The following ZNRF1 variants were observed in gnomAD, a reference collection of about 807,000 sequenced individuals.
The protein encoded by ZNRF1 is E3 ubiquitin-protein ligase ZNRF1.
In ZNRF1, 3 loss-of-function variants were observed where a neutral mutation model predicts 18.4. The ratio of observed to expected loss-of-function variants is 0.16; its 90% CI spans 0.07 to 0.42. ZNRF1 has a LOEUF of 0.42. Ranked by LOEUF, ZNRF1 falls within the 10% of genes least tolerant of loss-of-function variation. The pLI, the probability that ZNRF1 is intolerant of heterozygous loss-of-function variation, is 0.99. For synonymous variants in ZNRF1, 157 were observed against 144.2 expected, an observed-to-expected ratio of 1.09 and a Z score of -0.64; for missense variants, 310 against 329.8, an observed-to-expected ratio of 0.94 and a Z score of 0.47.
chr16:75,071,598 G>T (rs1306617581), intron 1 of ZNRF1, among the ~76,000 whole-genome samples: 1 of 152,142 alleles, frequency 6.6e-6, no homozygotes, highest in Middle Eastern at 3.2e-3. Flanking sequence ...ATAGCATTTT[G>T]GCCGTACTCT....
intron 1 of ZNRF1, among the ~76,000 whole-genome samples, chr16:75,074,807 C>T (rs1018543058): frequency 6.6e-6 from 1 of 152,092 alleles, no homozygotes; most frequent in Admixed American, 6.5e-5. Context: ...GTGGCTCATG[C>T]CTATAATCCC....
Position 74,999,724 on chromosome 16 carries a change from T to G in ZNRF1, c.53T>G (p.Val18Gly), listed in dbSNP as rs1597847597. 3 of 1,365,516 alleles carry G rather than the reference T, an allele frequency of 2.2e-6. No individual in the cohort carries two copies. The highest frequency in any genetic ancestry group is 1.7e-5 in the South Asian group (1 of 58,246). The allele number at this position is 1,365,516 out of a possible 1,614,324, so 84.6% of individuals were successfully genotyped here. A position where few individuals can be genotyped will look rare whatever the true frequency, so the allele number is the denominator to read the frequency against. ...CGCTCCCGGGGCCCCTTCCCGGGGG[T>G]CTCCACCGATGACAGCGCCGTGCCG... is the stretch of plus-strand genomic sequence containing the variant. ...AARSRGPFPGVSTDDSAVPPP... is the reference protein window; with the variant it reads ...AARSRGPFPGGSTDDSAVPPP... Residue 18 changes from valine to glycine, a missense_variant, in exon 1 of 5, where the codon GTC becomes GGC. Transcript: ENST00000335325.
chr16:75,019,227 T>G (rs2035111902), intron 1 of ZNRF1, among the ~76,000 whole-genome samples: 2 of 152,002 alleles, frequency 1.3e-5, no homozygotes, highest in South Asian at 4.1e-4. Context: ...GTTTTTTTTT[T>G]GTAGAGACTA....
intron 1 of ZNRF1, among the ~76,000 whole-genome samples, chr16:75,019,505 C>G (rs187552208): frequency 6.6e-6 from 1 of 151,896 alleles, no homozygotes. Context: ...TTTATTTATA[C>G]TTAATTTGTG....
chr16:75,047,024 T>C (rs541790186), intron 1 of ZNRF1: 30 of 152,208 alleles, frequency 2.0e-4, no homozygotes, highest in Admixed American at 9.2e-4. Context: ...CAATTTTGTG[T>C]GTATGTTAAA....
In ZNRF1 at chr16:75,038,773, A is replaced by C. The variant is rs560284222; in HGVS notation, c.424+38678A>C. 1.4e-4 allele frequency among the ~76,000 whole-genome samples: 22 copies of C among 152,280 alleles called. No homozygotes were observed. The East Asian group carries it at 4.1e-3, about 28-fold the overall frequency. On this transcript the variant is annotated intron_variant, in intron 1 of 4. Coordinates refer to ENST00000335325, the MANE Select transcript of ZNRF1 (RefSeq NM_032268.5). ...TCTGGCTCTTTCTGTTTCATACAAC[A>C]TGGCATTCCAGTGTGCAAGATGATG...
intron 1 of ZNRF1, among the ~76,000 whole-genome samples, chr16:75,051,514 C>T (rs1403238984): frequency 6.7e-6 from 1 of 149,590 alleles, no homozygotes; most frequent in East Asian, 2.0e-4. Context: ...CAGCCTGCAT[C>T]TTCCCCTTTT....
Position 74,999,966 on chromosome 16 carries a change from C to G in ZNRF1, c.295C>G (p.His99Asp). The change falls in exon 1 of 5, where the codon CAT (histidine) becomes GAT (aspartate). Residue 99 changes from histidine (H) to aspartate (D), a missense_variant. By Grantham distance (81) the His-to-Asp change is moderately conservative (BLOSUM62 -1). Transcript: ENST00000335325. Reference sequence around the variant, plus strand: ...GTCTGCGTCCGACTCCACCTATGCCCATGGCAATGGTTACCAGGAGACGGG... The same window carrying G: ...GTCTGCGTCCGACTCCACCTATGCCGATGGCAATGGTTACCAGGAGACGGG... ...GGSASDSTYA[H>D]GNGYQETGGG... The G allele has an allele frequency of 1.3e-6, 2 of 1,582,120 alleles. No individual in the cohort carries two copies. Among genetic ancestry groups the G allele is most frequent in the Non-Finnish European group, 1.7e-6 (2 of 1,164,976 alleles).
intron 1 of ZNRF1, among the ~76,000 whole-genome samples, chr16:75,003,017 G>A (rs543868763): frequency 4.9e-4 from 74 of 152,238 alleles, no homozygotes; most frequent in Middle Eastern, 3.4e-3. Flanking sequence ...GCAGTGGTGC[G>A]ACCTCTGCTC....
At chr16:75,020,784 C>T (rs970924279) in intron 1 of ZNRF1, among the ~76,000 whole-genome samples, 5 of 152,118 alleles carry the variant, frequency 3.3e-5, no homozygotes, top group South Asian at 2.1e-4. Context: ...CCTCATGATC[C>T]GCTGCCCTCG....
intron 2 of ZNRF1, among the ~76,000 whole-genome samples, chr16:75,096,211 C>T (rs1386316041): frequency 6.6e-6 from 1 of 152,074 alleles, no homozygotes; most frequent in East Asian, 1.9e-4. Context: ...TTTGTCTCAA[C>T]GTGGTGAAGT....
At chr16:75,038,937 A>G (rs901411443) in intron 1 of ZNRF1, among the ~76,000 whole-genome samples, 2 of 152,204 alleles carry the variant, frequency 1.3e-5, no homozygotes, top group South Asian at 2.1e-4. Context: ...GTTGAGTACT[A>G]TTGTTTTATA....
chr16:75,062,174 G>A (rs2035751932), intron 1 of ZNRF1, among the ~76,000 whole-genome samples: 1 of 152,228 alleles, frequency 6.6e-6, no homozygotes, highest in East Asian at 1.9e-4. Flanking sequence ...TGACAGAGCT[G>A]TTCCAGCTCA....
rs2145411653 is a variant in ZNRF1, at chr16:75,081,783, C to A, written c.425-11789C>A. ...TAGTGTCTAAGAACTAGAAGAAATTCTTGGGCTACTGCACCAAGAGGAAGA... is the reference window on the plus strand; with the variant it reads ...TAGTGTCTAAGAACTAGAAGAAATTATTGGGCTACTGCACCAAGAGGAAGA... On this transcript the variant is annotated intron_variant, in intron 1 of 4. Transcript: ENST00000335325. 1.3e-5 allele frequency among the ~76,000 whole-genome samples: 2 copies of A among 152,310 alleles called. 1 individual carries two copies. The highest frequency in any genetic ancestry group is 4.1e-4 in the South Asian group (2 of 4,824).
intron 1 of ZNRF1, among the ~76,000 whole-genome samples, chr16:75,029,963 C>G (rs2035278922): frequency 6.7e-6 from 1 of 148,442 alleles, no homozygotes; most frequent in Non-Finnish European, 1.5e-5. Context: ...CTCAAGAGGC[C>G]AAGGAGGGAA....
intron 1 of ZNRF1, among the ~76,000 whole-genome samples, chr16:75,007,183 G>C (rs1341288297): frequency 6.6e-6 from 1 of 150,756 alleles, no homozygotes; most frequent in African/African-American, 2.4e-5. Flanking sequence ...TCAGCCTCCT[G>C]AGTAGCTGGG....
intron 1 of ZNRF1, among the ~76,000 whole-genome samples, chr16:75,080,251 C>T (rs2035993476): frequency 6.6e-6 from 1 of 152,176 alleles, no homozygotes; most frequent in Non-Finnish European, 1.5e-5. Context: ...TACAGCAGCA[C>T]ACATTCTGCA....
intron 1 of ZNRF1, among the ~76,000 whole-genome samples, chr16:75,073,494 A>G (rs1373714405): frequency 6.6e-6 from 1 of 152,034 alleles, no homozygotes; most frequent in African/African-American, 2.4e-5. Flanking sequence ...AACCATGTCA[A>G]TATGTTTGGT....
intron 1 of ZNRF1, among the ~76,000 whole-genome samples, chr16:75,034,187 A>G (rs2035347280): frequency 6.6e-6 from 1 of 152,148 alleles, no homozygotes; most frequent in Admixed American, 6.5e-5. Flanking sequence ...ACCCTCAGTT[A>G]TTTAAAAATG....
Sources: gnomAD v4.1 joint callset for allele counts (sites outside exome capture counted in the v4.1 genomes callset) on GRCh38, gnomAD v4.1.1 for gene constraint, MANE v1.5 for transcripts, NCBI Gene and HGNC (gene_info 2026-07-23, HGNC 2026-07-21) for gene names.